Variants in RAB3GAP1 observed in about 807,000 individuals in gnomAD.
The protein encoded by RAB3GAP1 is RAB3 GTPase activating protein catalytic subunit 1, also known as rab3 GTPase-activating protein catalytic subunit.
A neutral mutation model predicts 130.7 loss-of-function variants in RAB3GAP1; 86 were observed. That is an observed-to-expected ratio of 0.66 (90% CI 0.55 to 0.79). The LOEUF (loss-of-function observed/expected upper bound fraction) is 0.79, where lower values mean the gene tolerates loss of function less well. RAB3GAP1 is among the 30% of genes least tolerant of loss of function. The pLI is 0.00. For missense variants in RAB3GAP1, 1,029 were observed against 1,169.4 expected, an observed-to-expected ratio of 0.88 and a Z score of 1.75; for synonymous variants, 367 against 401.7, an observed-to-expected ratio of 0.91 and a Z score of 1.03.
chr2:135,135,325 G>T lies in RAB3GAP1; in HGVS notation c.1554+6G>T. The T allele has an allele frequency of 6.3e-7, 1 of 1,596,542 alleles. No individual in the cohort carries two copies. The highest frequency in any genetic ancestry group is 8.6e-7 in the Non-Finnish European group (1 of 1,164,226). Reference sequence around the variant, plus strand: ...TACTGCATCAGAAACTACAGGTAAAGATTTCTCAATGACATGGATAAATGT... The same window carrying T: ...TACTGCATCAGAAACTACAGGTAAATATTTCTCAATGACATGGATAAATGT... On this transcript the variant is annotated splice_donor_region_variant and intron_variant, in intron 16 of 23. Transcript: ENST00000264158.
chr2:135,126,719 C>T, intron 11 of RAB3GAP1, 63 bp downstream of exon 11: 1 of 1,322,088 alleles, frequency 7.6e-7, no homozygotes, highest in Non-Finnish European at 1.1e-6. Context: ...AAATCGGAGA[C>T]ACTGCATACA....
At chr2:135,094,585 T>C (rs768050871) in intron 5 of RAB3GAP1, among the ~76,000 whole-genome samples, 1 of 152,208 alleles carries the variant, frequency 6.6e-6, no homozygotes, top group African/African-American at 2.4e-5. Context: ...CTTAGAGATA[T>C]GTCAACTCTG....
rs77397386 is a variant in RAB3GAP1, at chr2:135,062,210, G to A, written c.150+4124G>A. ...ATTACGGGCATGAGGCACTGCGCCC[G>A]TCGTATATTGTCTTGATTACTGTAG... On this transcript the variant is annotated intron_variant, in intron 3 of 23. Transcript: ENST00000264158. Among the ~76,000 whole-genome samples the A allele has an allele frequency of 1.0e-2, 1,519 of 152,158 alleles. 22 individuals carry two copies. The highest frequency in any genetic ancestry group is 0.035 in the African/African-American group (1,446 of 41,494).
Position 135,169,816 on chromosome 2 carries a change from C to T in RAB3GAP1, c.*1035C>T. ...TCTAGTTTCATGGAGCTCAAGATGT[C>T]TTGTGTCTGTGTGGCTAGATGGCCT... On this transcript the variant is annotated 3_prime_UTR_variant, in exon 24 of 24. Transcript: ENST00000264158. The T allele has an allele frequency of 2.2e-6, 1 of 453,640 alleles. No individual in the cohort carries two copies. The highest frequency in any genetic ancestry group is 4.4e-6 in the Non-Finnish European group (1 of 225,230). The allele number at this position is 453,640 out of a possible 1,614,324, so 28.1% of individuals were successfully genotyped here.
At chr2:135,119,342 T>G (rs1224331690) in intron 7 of RAB3GAP1, among the ~76,000 whole-genome samples, 1 of 152,150 alleles carries the variant, frequency 6.6e-6, no homozygotes, top group African/African-American at 2.4e-5. Flanking sequence ...ACTCCTGATT[T>G]CAAATGATCC....
chr2:135,105,614 T>G (rs1367658274), intron 5 of RAB3GAP1, among the ~76,000 whole-genome samples: 1 of 152,130 alleles, frequency 6.6e-6, no homozygotes, highest in Non-Finnish European at 1.5e-5. Context: ...TGCCTTGGCC[T>G]CCCAAAGTGC....
intron 9 of RAB3GAP1, among the ~76,000 whole-genome samples, chr2:135,124,670 A>G (rs1473553502): frequency 6.6e-6 from 1 of 151,894 alleles, no homozygotes; most frequent in Non-Finnish European, 1.5e-5. Context: ...GTCTCAAAAA[A>G]AGAAAGAAAG....
intron 18 of RAB3GAP1, 42 bp from the exon 19 acceptor site, chr2:135,153,607 G>C: frequency 6.3e-7 from 1 of 1,583,184 alleles, no homozygotes; most frequent in South Asian, 1.1e-5. Flanking sequence ...AGTAACTGTT[G>C]ATTTTCATTT....
chr2:135,110,788 T>C (rs1690780415), intron 5 of RAB3GAP1, among the ~76,000 whole-genome samples: 3 of 152,236 alleles, frequency 2.0e-5, no homozygotes. Flanking sequence ...GGGATTGTAC[T>C]TTTGAAAAGA....
intron 17 of RAB3GAP1, chr2:135,136,810 C>T: frequency 1.4e-6 from 1 of 716,652 alleles, no homozygotes; most frequent in East Asian, 6.5e-5. Flanking sequence ...AAGGTTGGTC[C>T]CAGACCAGGC....
Position 135,120,810 on chromosome 2 carries a change from A to G in RAB3GAP1, c.649-9A>G, listed in dbSNP as rs752585589. On this transcript the variant is annotated splice_polypyrimidine_tract_variant and intron_variant, in intron 7 of 23. Coordinates refer to ENST00000264158, the MANE Select transcript of RAB3GAP1 (RefSeq NM_012233.3). ...TTTACACGGTATTGTCTTTGCATGT[A>G]TTTCCTAGGGATGTCCTTTAACTCC... 6.4e-7 allele frequency: 1 copy of G among 1,566,130 alleles called. No homozygotes were observed. The highest frequency in any genetic ancestry group is 8.8e-7 in the Non-Finnish European group (1 of 1,136,396).
intron 3 of RAB3GAP1, among the ~76,000 whole-genome samples, chr2:135,086,567 T>A (rs1432523433): frequency 6.6e-6 from 1 of 152,016 alleles, no homozygotes; most frequent in Non-Finnish European, 1.5e-5. Context: ...AAATTTGGAT[T>A]GTTCATTTTT....
chr2:135,117,681 TCTG>T (rs142725236), intron 7 of RAB3GAP1, among the ~76,000 whole-genome samples: 408 of 134,650 alleles, frequency 3.0e-3, no homozygotes, highest in African/African-American at 0.012. Flanking sequence ...TTCTTCTGCT[TCTG>T]CTTCTTCTTC....
At chr2:135,173,197 T>C (rs1000167463), downstream of RAB3GAP1, among the ~76,000 whole-genome samples, 1 of 151,962 alleles carries the variant, frequency 6.6e-6, no homozygotes, top group Non-Finnish European at 1.5e-5. Flanking sequence ...ACCCAAGCGG[T>C]TGGCTATATA....
chr2:135,124,434 G>A (rs906963181), intron 9 of RAB3GAP1, among the ~76,000 whole-genome samples, 188 bp downstream of exon 9: 6 of 152,166 alleles, frequency 3.9e-5, no homozygotes, highest in East Asian at 1.9e-4. Context: ...GGGAGGCTGC[G>A]GTGGGCAGCC....
In RAB3GAP1 at chr2:135,115,362, A is replaced by G; in HGVS notation, c.629A>G (p.Asp210Gly). Residue 210 changes from aspartate to glycine, a missense_variant, in exon 7 of 24, where the codon GAT becomes GGT. This residue lies in a region of RAB3GAP1 where 510 missense variants were observed against 532.1 expected (regional missense o/e 0.96). Coordinates refer to ENST00000264158, the MANE Select transcript of RAB3GAP1 (RefSeq NM_012233.3). ...TACACTCACTTATCAGGTCTGCTGGATATCTTCAAATCAAAGATTGTGAGT... is the reference window on the plus strand; with the variant it reads ...TACACTCACTTATCAGGTCTGCTGGGTATCTTCAAATCAAAGATTGTGAGT... ...NQYTHLSGLL[D>G]IFKSKIGCPL... is the part of the protein sequence containing the mutation. 1 of 1,611,600 alleles carries G rather than the reference A, an allele frequency of 6.2e-7. No individual in the cohort carries two copies. Among genetic ancestry groups the G allele is most frequent in the Non-Finnish European group, 8.5e-7 (1 of 1,177,898 alleles).
intron 3 of RAB3GAP1, among the ~76,000 whole-genome samples, chr2:135,069,799 T>C (rs1689418490): frequency 2.0e-5 from 3 of 152,172 alleles, no homozygotes; most frequent in Admixed American, 2.0e-4. Flanking sequence ...CTGCCCTCCC[T>C]CACCTCCAGA....
chr2:135,156,006 G>A (rs1573605809), intron 19 of RAB3GAP1, among the ~76,000 whole-genome samples: 1 of 152,178 alleles, frequency 6.6e-6, no homozygotes, highest in South Asian at 2.1e-4. Context: ...GCACATATTA[G>A]TAACTACTGA....
chr2:135,099,924 T>C (rs1690405643), intron 5 of RAB3GAP1, among the ~76,000 whole-genome samples: 3 of 152,160 alleles, frequency 2.0e-5, no homozygotes, highest in African/African-American at 7.2e-5. Context: ...GAGAGATTGG[T>C]AATCTCATCA....
Sources: gnomAD v4.1 joint callset for allele counts (sites outside exome capture counted in the v4.1 genomes callset) on GRCh38, gnomAD v4.1.1 for gene constraint, gnomAD v4.1.1 regional missense constraint, MANE v1.5 for transcripts, NCBI Gene and HGNC (gene_info 2026-07-23, HGNC 2026-07-21) for gene names.